ZNF609: variants seen among roughly 807,000 people sequenced by gnomAD.
ZNF609 encodes the protein zinc finger protein 609.
ZNF609 carries 11 observed loss-of-function variants against 109.5 expected under a neutral mutation model. The ratio of observed to expected loss-of-function variants is 0.10; its 90% CI spans 0.06 to 0.17. The LOEUF (loss-of-function observed/expected upper bound fraction) is 0.17. ZNF609 is among the 10% of genes least tolerant of loss of function. The pLI is 1.00. For missense variants in ZNF609, 1,559 were observed against 1,772.4 expected (o/e 0.88, Z 2.16); for synonymous variants, 646 against 662.0 (o/e 0.98, Z 0.37).
chr15:64,499,814 G>A lies in ZNF609; in HGVS notation c.395G>A (p.Gly132Glu), dbSNP rs1230687839. The change falls in exon 2 of 10, where the codon GGA becomes GAA. Residue 132 changes from glycine to glutamate, a missense_variant. Physicochemically the swap from Gly to Glu is moderately conservative, Grantham distance 98. This residue lies in a region of ZNF609 where 291 missense variants were observed against 317.8 expected (regional missense o/e 0.92). Transcript: ENST00000326648. ...CGCTCAGGAGATGGTGCCAATGCTG[G>A]AGGCCTGGTTGCTGCTATTGCTCCC... ...QGRSGDGANA[G>E]GLVAAIAPKG... 7 of 1,614,090 alleles carry A rather than the reference G, an allele frequency of 4.3e-6. No homozygotes were observed. The highest frequency in any genetic ancestry group is 5.9e-6 in the Non-Finnish European group (7 of 1,180,006).
chr15:64,627,150 A>G (rs986653893), intron 3 of ZNF609, among the ~76,000 whole-genome samples: 1 of 151,922 alleles, frequency 6.6e-6, no homozygotes, highest in African/African-American at 2.4e-5. Flanking sequence ...AGAGTGTGCC[A>G]CTACACTCCA....
chr15:64,522,860 A>G (rs1358191634), intron 2 of ZNF609, among the ~76,000 whole-genome samples: 2 of 152,078 alleles, frequency 1.3e-5, no homozygotes, highest in African/African-American at 2.4e-5. Flanking sequence ...AAAGAAACCC[A>G]TCTTTTTTCT....
chr15:64,529,721 T>C (rs1894028008), intron 2 of ZNF609: 1 of 650,694 alleles, frequency 1.5e-6, no homozygotes, highest in Admixed American at 1.9e-5. Context: ...TGGCTGTCTG[T>C]CGAACAGGAG....
rs564888670 is a variant in ZNF609, at chr15:64,569,541, G to T, written c.748-53286G>T. ...AATGCTAAAAGCCAAAGCCTTTGTT[G>T]TGCTTAGAAAATCCAAGCAGGTAGA... On this transcript the variant is annotated intron_variant, in intron 2 of 9. Coordinates refer to ENST00000326648, the MANE Select transcript of ZNF609 (RefSeq NM_015042.2). 1.1e-4 allele frequency among the ~76,000 whole-genome samples: 17 copies of T among 152,294 alleles called. No homozygotes were observed. In the East Asian group the frequency reaches 3.1e-3, roughly 28 times the overall value.
intron 2 of ZNF609, among the ~76,000 whole-genome samples, chr15:64,591,256 C>T (rs889193530): frequency 9.2e-5 from 14 of 152,120 alleles, no homozygotes; most frequent in South Asian, 2.1e-4. Flanking sequence ...GGTGAAACCC[C>T]GTATCTACTA....
intron 2 of ZNF609, among the ~76,000 whole-genome samples, chr15:64,541,764 C>T (rs576709735): frequency 2.8e-5 from 4 of 140,648 alleles, no homozygotes; most frequent in East Asian, 2.3e-4. Flanking sequence ...GGCGTGAACC[C>T]GGGAGGCAGA....
At chr15:64,539,486 C>A (rs139603140) in intron 2 of ZNF609, among the ~76,000 whole-genome samples, 6 of 150,738 alleles carry the variant, frequency 4.0e-5, no homozygotes, top group African/African-American at 1.5e-4. Context: ...GGATTACAGG[C>A]GTGAGCCACT....
upstream of ZNF609, among the ~76,000 whole-genome samples, chr15:64,460,124 C>G (rs960958145): frequency 6.6e-6 from 1 of 151,984 alleles, no homozygotes; most frequent in Non-Finnish European, 1.5e-5. Context: ...ATGGATGAAA[C>G]CATCAGGAGC....
intron 2 of ZNF609, among the ~76,000 whole-genome samples, chr15:64,605,547 ATAGC>A (rs1183270840): frequency 6.6e-6 from 1 of 152,198 alleles, no homozygotes; most frequent in Non-Finnish European, 1.5e-5. Flanking sequence ...TTTACTGTAT[ATAGC>A]TAGGCACTGT....
rs199759765 is a variant in ZNF609 at position 64,675,886 on chromosome 15, G to A, written c.3032G>A (p.Arg1011His). 1.7e-5 allele frequency: 28 copies of A among 1,614,058 alleles called. No individual in the cohort carries two copies. The highest frequency in any genetic ancestry group is 4.4e-5 in the South Asian group (4 of 91,088). ...YRQQYEEQQK[R>H]QSLEQQQRGV... The stretch of plus-strand genomic sequence containing the variant: ...CAGCAGTACGAAGAACAGCAGAAAC[G>A]CCAGAGCTTAGAGCAGCAGCAGCGG... The change falls in exon 5 of 10, where the codon CGC (arginine) becomes CAC (histidine). Residue 1011 changes from arginine (R) to histidine (H), a missense_variant. Arg to His is a conservative substitution (Grantham distance 29). This residue lies in a region of ZNF609 where 1,204 missense variants were observed against 1,314.1 expected (regional missense o/e 0.92). Coordinates refer to ENST00000326648, the MANE Select transcript of ZNF609 (RefSeq NM_015042.2).
chr15:64,649,628 C>T (rs1384807282), intron 3 of ZNF609, among the ~76,000 whole-genome samples: 1 of 152,166 alleles, frequency 6.6e-6, no homozygotes, highest in Non-Finnish European at 1.5e-5. Context: ...CTGTTCAGTA[C>T]TTACTGAGTA....
intron 2 of ZNF609, among the ~76,000 whole-genome samples, chr15:64,579,444 G>A (rs945667562): frequency 1.3e-5 from 2 of 151,330 alleles, no homozygotes; most frequent in Admixed American, 6.6e-5. Context: ...CAGACCTACT[G>A]GCTCACACCT....
rs550665786 is a variant in ZNF609 at position 64,605,105 on chromosome 15, A to G, written c.748-17722A>G. On this transcript the variant is annotated intron_variant, in intron 2 of 9. Transcript: ENST00000326648. The stretch of plus-strand genomic sequence containing the variant: ...CTCAGCCTACCAAAGTGCTGGGATT[A>G]CAGGCATAAGCCACCGTGCCCGGCC... 2.6e-5 allele frequency among the ~76,000 whole-genome samples: 4 copies of G among 152,318 alleles called. No individual in the cohort carries two copies. In the South Asian group the frequency reaches 8.3e-4, roughly 32 times the overall value.
intron 2 of ZNF609, among the ~76,000 whole-genome samples, chr15:64,552,218 A>G (rs979616757): frequency 6.6e-6 from 1 of 152,144 alleles, no homozygotes; most frequent in African/African-American, 2.4e-5. Flanking sequence ...CATGCTTTCC[A>G]TATCTAAAAT....
intron 1 of ZNF609, among the ~76,000 whole-genome samples, chr15:64,486,524 CAAA>C (rs35701301): frequency 2.4e-4 from 27 of 113,072 alleles, no homozygotes; most frequent in Admixed American, 5.2e-4. Context: ...ACTCTGTCTC[CAAA>C]AAAAAAAAAA....
intron 2 of ZNF609, among the ~76,000 whole-genome samples, chr15:64,535,808 A>G (rs1320389038): frequency 6.6e-6 from 1 of 152,076 alleles, no homozygotes; most frequent in Non-Finnish European, 1.5e-5. Context: ...TTTTTATTTT[A>G]GCTATCCTGG....
At chr15:64,485,290 T>C (rs936213654) in intron 1 of ZNF609, among the ~76,000 whole-genome samples, 7 of 152,102 alleles carry the variant, frequency 4.6e-5, no homozygotes, top group Non-Finnish European at 1.0e-4. Flanking sequence ...AAAGAACATA[T>C]AGACTTGATC....
intron 2 of ZNF609, among the ~76,000 whole-genome samples, chr15:64,580,735 G>A (rs1250472316): frequency 6.6e-5 from 10 of 151,692 alleles, no homozygotes; most frequent in Admixed American, 6.6e-4. Context: ...GTTCCACCTT[G>A]TTGGCCAGGC....
chr15:64,550,616 G>A (rs917019019), intron 2 of ZNF609, among the ~76,000 whole-genome samples: 3 of 151,894 alleles, frequency 2.0e-5, no homozygotes, highest in Admixed American at 1.3e-4. Context: ...GGAGGCCAAG[G>A]TGGGCGGATC....
Sources: gnomAD v4.1 joint callset for allele counts (sites outside exome capture counted in the v4.1 genomes callset) on GRCh38, gnomAD v4.1.1 for gene constraint, gnomAD v4.1.1 regional missense constraint, MANE v1.5 for transcripts, NCBI Gene and HGNC (gene_info 2026-07-23, HGNC 2026-07-21) for gene names.